MEI4: variants seen among roughly 807,000 people sequenced by gnomAD.
The protein encoded by MEI4 is meiosis-specific protein MEI4.
A neutral mutation model predicts 31.4 loss-of-function variants in MEI4; 27 were observed. That is an observed-to-expected ratio of 0.86 (90% CI 0.63 to 1.19). The LOEUF (loss-of-function observed/expected upper bound fraction) is 1.19. Among genes scored for constraint, MEI4 ranks in the 50% most tolerant of loss-of-function variants. The probability of loss-of-function intolerance (pLI) is 0.00; values close to 1 mark genes in which losing one functional copy is unlikely to be tolerated. For missense variants in MEI4, 329 were observed against 398.9 expected, an observed-to-expected ratio of 0.82 and a Z score of 1.49; for synonymous variants, 122 against 145.4, an observed-to-expected ratio of 0.84 and a Z score of 1.16.
chr6:77,910,642 T>C (rs1021386342), intron 4 of MEI4, among the ~76,000 whole-genome samples: 16 of 152,094 alleles, frequency 1.1e-4, no homozygotes, highest in South Asian at 2.1e-4. Context: ...AAGTAATTTA[T>C]AGATTCAATG....
intron 4 of MEI4, among the ~76,000 whole-genome samples, chr6:77,844,104 A>T (rs964501932): frequency 6.6e-6 from 1 of 152,116 alleles, no homozygotes; most frequent in African/African-American, 2.4e-5. Context: ...AACAGATCAC[A>T]TCATAATCAC....
At chr6:77,691,595 G>A (rs1449050233) in intron 2 of MEI4, among the ~76,000 whole-genome samples, 1 of 152,054 alleles carries the variant, frequency 6.6e-6, no homozygotes, top group African/African-American at 2.4e-5. Flanking sequence ...ACACTTGTAA[G>A]GCAAAGAAGC....
chr6:77,692,927 T>TA (rs1769185992), intron 2 of MEI4, among the ~76,000 whole-genome samples: 1 of 151,986 alleles, frequency 6.6e-6, no homozygotes, highest in Non-Finnish European at 1.5e-5. Flanking sequence ...ATAGTGAAGT[T>TA]ACTGCTGTAG....
At chr6:77,869,275 A>G (rs1403226235) in intron 4 of MEI4, among the ~76,000 whole-genome samples, 1 of 152,130 alleles carries the variant, frequency 6.6e-6, no homozygotes, top group Non-Finnish European at 1.5e-5. Flanking sequence ...AGATAGAATA[A>G]TCAGTTATGA....
intron 1 of MEI4, among the ~76,000 whole-genome samples, chr6:77,664,035 G>C (rs1768570718): frequency 1.3e-5 from 2 of 152,234 alleles, no homozygotes; most frequent in Admixed American, 1.3e-4. Flanking sequence ...TCCTGTGGGA[G>C]GAGGTTCTGG....
At chr6:77,785,963 T>C (rs868326919) in intron 3 of MEI4, among the ~76,000 whole-genome samples, 1 of 152,170 alleles carries the variant, frequency 6.6e-6, no homozygotes, top group South Asian at 2.1e-4. Context: ...ATATTTAGTT[T>C]TGAATGAATG....
intron 3 of MEI4, among the ~76,000 whole-genome samples, chr6:77,776,669 G>A (rs1768450125): frequency 6.6e-6 from 1 of 152,142 alleles, no homozygotes; most frequent in African/African-American, 2.4e-5. Flanking sequence ...GTAAATCCAA[G>A]CCAGAGCCAT....
chr6:77,812,093 G>A (rs1335740928), intron 3 of MEI4, among the ~76,000 whole-genome samples: 3 of 152,080 alleles, frequency 2.0e-5, no homozygotes, highest in Non-Finnish European at 2.9e-5. Context: ...ACCATATTCT[G>A]TGAAGTTATA....
chr6:77,863,394 C>CT (rs149899171), intron 4 of MEI4, among the ~76,000 whole-genome samples: 125,403 of 151,842 alleles, frequency 0.83, 52,300 homozygotes, highest in East Asian at 0.95. Context: ...CTTAAAGGAC[C>CT]GATGGAGCTG....
chr6:77,692,824 A>G (rs1008221964), intron 2 of MEI4, among the ~76,000 whole-genome samples: 21 of 152,014 alleles, frequency 1.4e-4, no homozygotes, highest in Admixed American at 1.4e-3. Flanking sequence ...TCCCTGGAAT[A>G]TGGATTACCT....
At chr6:77,907,481 A>G (rs563140552) in intron 4 of MEI4, among the ~76,000 whole-genome samples, 4 of 152,246 alleles carry the variant, frequency 2.6e-5, no homozygotes, top group African/African-American at 4.8e-5. Context: ...CATTTTTTAC[A>G]GCTGCATAGT....
intron 2 of MEI4, among the ~76,000 whole-genome samples, chr6:77,715,637 A>G (rs1046965652): frequency 6.6e-6 from 1 of 152,204 alleles, no homozygotes; most frequent in African/African-American, 2.4e-5. Flanking sequence ...TTTTGGCCAT[A>G]TCCCTAATGT....
upstream of MEI4, among the ~76,000 whole-genome samples, chr6:77,651,317 G>T (rs1768294194): frequency 6.6e-6 from 1 of 152,190 alleles, no homozygotes; most frequent in South Asian, 2.1e-4. Context: ...GTTTGAAGAG[G>T]CAGGAATTAA....
intron 4 of MEI4, among the ~76,000 whole-genome samples, chr6:77,905,267 G>A (rs1446693548): frequency 6.6e-6 from 1 of 151,664 alleles, no homozygotes; most frequent in Non-Finnish European, 1.5e-5. Context: ...TAAAAATTCT[G>A]TTCATAGCCT....
intron 2 of MEI4, among the ~76,000 whole-genome samples, chr6:77,719,323 A>G (rs1310672624): frequency 7.3e-6 from 1 of 136,892 alleles, no homozygotes; most frequent in African/African-American, 2.8e-5. Context: ...TTTGATAAGA[A>G]AAGTCTTGTA....
intron 1 of MEI4, among the ~76,000 whole-genome samples, chr6:77,673,232 G>C (rs894622671): frequency 3.3e-5 from 5 of 152,134 alleles, no homozygotes; most frequent in African/African-American, 1.2e-4. Flanking sequence ...CAAATAAATA[G>C]CATAATAGTA....
At chr6:77,791,269 T>A (rs1024548756) in intron 3 of MEI4, among the ~76,000 whole-genome samples, 3 of 152,080 alleles carry the variant, frequency 2.0e-5, no homozygotes, top group African/African-American at 7.2e-5. Flanking sequence ...TAGCAAAGAC[T>A]TGGAACCAAG....
At chr6:77,909,489 C>A (rs1307480114) in intron 4 of MEI4, among the ~76,000 whole-genome samples, 1 of 151,968 alleles carries the variant, frequency 6.6e-6, no homozygotes, top group East Asian at 1.9e-4. Context: ...GCACATACAC[C>A]CTCCCAAGAC....
At chr6:77,865,660 G>A (rs1022107688) in intron 4 of MEI4, among the ~76,000 whole-genome samples, 10 of 152,232 alleles carry the variant, frequency 6.6e-5, no homozygotes, top group Middle Eastern at 3.4e-3. Flanking sequence ...ACTAGGAGGA[G>A]CTGGTACCAT....
Sources: gnomAD v4.1 joint callset for allele counts (sites outside exome capture counted in the v4.1 genomes callset) on GRCh38, gnomAD v4.1.1 for gene constraint, MANE v1.5 for transcripts, NCBI Gene and HGNC (gene_info 2026-07-23, HGNC 2026-07-21) for gene names.